The following IMMP2L variants were observed in gnomAD, a reference collection of about 807,000 sequenced individuals.
IMMP2L encodes the protein inner mitochondrial membrane peptidase subunit 2, also known as mitochondrial inner membrane protease subunit 2.
IMMP2L carries 18 observed loss-of-function variants against 19.3 expected under a neutral mutation model. The ratio of observed to expected loss-of-function variants is 0.93; its 90% CI spans 0.64 to 1.38. The LOEUF (loss-of-function observed/expected upper bound fraction) is 1.38, where lower values mean the gene tolerates loss of function less well. Ranked by LOEUF, IMMP2L falls within the 40% of genes most tolerant of loss-of-function variation. The pLI, the probability that IMMP2L is intolerant of heterozygous loss-of-function variation, is 0.00. For synonymous variants in IMMP2L, 76 were observed against 73.0 expected (o/e 1.04, Z -0.21); for missense variants, 233 against 218.2 (o/e 1.07, Z -0.43).
chr7:110,874,057 AT>A (rs535140368), intron 5 of IMMP2L, among the ~76,000 whole-genome samples: 1 of 151,998 alleles, frequency 6.6e-6, no homozygotes, highest in Non-Finnish European at 1.5e-5. Context: ...TATATAGGGT[AT>A]TTTTTTGTGC....
At chr7:110,701,481 C>T (rs1286918458) in intron 5 of IMMP2L, among the ~76,000 whole-genome samples, 3 of 151,900 alleles carry the variant, frequency 2.0e-5, no homozygotes, top group East Asian at 1.9e-4. Context: ...AGTACAATGA[C>T]GCAATCTCGG....
At chr7:110,745,509 A>C (rs1487875364) in intron 5 of IMMP2L, among the ~76,000 whole-genome samples, 3 of 152,224 alleles carry the variant, frequency 2.0e-5, no homozygotes, top group Non-Finnish European at 4.4e-5. Flanking sequence ...GAGAAACGTC[A>C]GGTTACCCAC....
At chr7:111,198,999 TG>T in intron 3 of IMMP2L, among the ~76,000 whole-genome samples, 1 of 152,296 alleles carries the variant, frequency 6.6e-6, no homozygotes, top group African/African-American at 2.4e-5. Flanking sequence ...TCCCTCAATA[TG>T]GACTAAATTC....
At chr7:111,513,496 G>A (rs1441807548) in intron 2 of IMMP2L, among the ~76,000 whole-genome samples, 1 of 152,088 alleles carries the variant, frequency 6.6e-6, no homozygotes, top group Non-Finnish European at 1.5e-5. Flanking sequence ...GAACCCTTGT[G>A]CTCTATTGGT....
chr7:110,952,145 GA>G (rs754650465), intron 4 of IMMP2L, among the ~76,000 whole-genome samples: 7 of 151,422 alleles, frequency 4.6e-5, no homozygotes, highest in African/African-American at 1.5e-4. Flanking sequence ...CATTGACAGA[GA>G]AAAAAAACAT....
intron 3 of IMMP2L, among the ~76,000 whole-genome samples, chr7:111,174,641 C>T (rs934295790): frequency 6.6e-6 from 1 of 151,672 alleles, no homozygotes; most frequent in Non-Finnish European, 1.5e-5. Flanking sequence ...AAACTATTCA[C>T]CAGCCTTCTA....
intron 5 of IMMP2L, among the ~76,000 whole-genome samples, chr7:110,675,737 T>C (rs1161027154): frequency 6.6e-6 from 1 of 152,130 alleles, no homozygotes; most frequent in Non-Finnish European, 1.5e-5. Flanking sequence ...CTCATCAAAA[T>C]AAGATAATCA....
intron 5 of IMMP2L, among the ~76,000 whole-genome samples, chr7:110,826,153 G>T (rs1002865694): frequency 7.2e-5 from 11 of 152,184 alleles, no homozygotes; most frequent in African/African-American, 2.7e-4. Flanking sequence ...TCTCACACCA[G>T]TTAGAATGGT....
chr7:110,871,074 G>A (rs893457499), intron 5 of IMMP2L, among the ~76,000 whole-genome samples: 6 of 151,284 alleles, frequency 4.0e-5, no homozygotes, highest in African/African-American at 1.5e-4. Context: ...TTACCAGGCA[G>A]TTGAGGGCAA....
chr7:111,206,466 C>T (rs750161194), intron 3 of IMMP2L, among the ~76,000 whole-genome samples: 6 of 151,944 alleles, frequency 3.9e-5, no homozygotes, highest in African/African-American at 1.2e-4. Flanking sequence ...GTATAGCGAC[C>T]GAGTAAGTGA....
intron 4 of IMMP2L, among the ~76,000 whole-genome samples, chr7:110,932,299 C>A (rs1815580568): frequency 6.6e-6 from 1 of 152,180 alleles, no homozygotes; most frequent in Non-Finnish European, 1.5e-5. Flanking sequence ...TAAGCCCTTT[C>A]TGAAATCGCT....
intron 3 of IMMP2L, among the ~76,000 whole-genome samples, chr7:111,008,649 A>G (rs1176597359): frequency 2.0e-5 from 3 of 148,918 alleles, no homozygotes. Context: ...CCCCCTATTA[A>G]AAAAAAAAAT....
intron 3 of IMMP2L, among the ~76,000 whole-genome samples, chr7:111,090,617 A>G (rs1341183709): frequency 6.6e-6 from 1 of 152,004 alleles, no homozygotes; most frequent in Non-Finnish European, 1.5e-5. Context: ...GCTAAAAAAA[A>G]AAAAAAAAAA....
intron 3 of IMMP2L, among the ~76,000 whole-genome samples, chr7:111,109,486 A>G (rs908872418): frequency 6.6e-6 from 1 of 152,188 alleles, no homozygotes; most frequent in Non-Finnish European, 1.5e-5. Context: ...ATTAACAACT[A>G]GTAAGGGGGC....
intron 5 of IMMP2L, among the ~76,000 whole-genome samples, chr7:110,706,795 T>A (rs1484168561): frequency 6.6e-6 from 1 of 152,136 alleles, no homozygotes; most frequent in Non-Finnish European, 1.5e-5. Flanking sequence ...TTCTGTAGGT[T>A]GCCTGCTTAC....
intron 3 of IMMP2L, among the ~76,000 whole-genome samples, chr7:111,470,141 C>A (rs1190534350): frequency 6.6e-6 from 1 of 152,084 alleles, no homozygotes. Flanking sequence ...TCATCACTGG[C>A]CATCAGAGAA....
At position 111,552,453 on chromosome 7, in the gene IMMP2L, A is replaced by G. The variant is rs377243966; in HGVS notation, c.-3+9398T>C. Among the ~76,000 whole-genome samples, 49 of 152,096 alleles carry G rather than the reference A, an allele frequency of 3.2e-4. No homozygotes were observed. The South Asian group carries it at 9.6e-3, about 30-fold the overall frequency. ...CAGGCATGTATCATCACACCCGGCT[A>G]ATTTTTGTATTTTTAGTAGAGACAG... On this transcript the variant is annotated intron_variant, in intron 1 of 5. Transcript: ENST00000405709.
chr7:111,016,733 AT>A (rs1289599243), intron 3 of IMMP2L, among the ~76,000 whole-genome samples: 1 of 93,430 alleles, frequency 1.1e-5, no homozygotes, highest in African/African-American at 4.5e-5. Context: ...TATATAAAAT[AT>A]ATATATTATA....
rs191819568 is a variant in IMMP2L, at chr7:111,290,030, T to C, written c.239+197208A>G. ...TCTCACTCTATTCAAATCACTCACATTCTTATTGCAAATTTCAAACCTACT... is the reference window on the plus strand; with the variant it reads ...TCTCACTCTATTCAAATCACTCACACTCTTATTGCAAATTTCAAACCTACT... On this transcript the variant is annotated intron_variant, in intron 3 of 5. Transcript: ENST00000405709. Among the ~76,000 whole-genome samples, 42 of 152,248 alleles carry C rather than the reference T, an allele frequency of 2.8e-4. No homozygotes were observed. In the East Asian group the frequency reaches 7.0e-3, roughly 25 times the overall value.
Sources: gnomAD v4.1 joint callset for allele counts (sites outside exome capture counted in the v4.1 genomes callset) on GRCh38, gnomAD v4.1.1 for gene constraint, MANE v1.5 for transcripts, NCBI Gene and HGNC (gene_info 2026-07-23, HGNC 2026-07-21) for gene names.